The following CELF2 variants were observed in gnomAD, a reference collection of about 807,000 sequenced individuals.
CELF2 encodes CUG triplet repeat RNA-binding protein 2.
In CELF2, 8 loss-of-function variants were observed where a neutral mutation model predicts 62.6. The observed-to-expected ratio is 0.13, with a 90% CI of 0.07 to 0.23. CELF2 has a LOEUF of 0.23. Among genes scored for constraint, CELF2 ranks in the 10% least tolerant of loss-of-function variants. The probability of loss-of-function intolerance (pLI) is 1.00; values close to 1 mark genes in which losing one functional copy is unlikely to be tolerated. For synonymous variants in CELF2, 258 were observed against 250.0 expected, an observed-to-expected ratio of 1.03 and a Z score of -0.30; for missense variants, 333 against 671.0, an observed-to-expected ratio of 0.50 and a Z score of 5.56.
chr10:11,253,865 T>C (rs546464721), intron 4 of CELF2, among the ~76,000 whole-genome samples: 1 of 152,354 alleles, frequency 6.6e-6, no homozygotes, highest in Admixed American at 6.5e-5. Context: ...TCCCTGCCCT[T>C]ATTCAGTGTC....
intron 2 of CELF2, chr10:10,924,132 AT>A (rs1293483717): frequency 1.3e-5 from 2 of 151,956 alleles, no homozygotes; most frequent in Admixed American, 1.3e-4. Flanking sequence ...AATACAAAAA[AT>A]TAGCCGGGCG....
the CELF2 span, among the ~76,000 whole-genome samples, chr10:10,758,804 C>A: frequency 6.6e-6 from 1 of 152,206 alleles, no homozygotes; most frequent in Admixed American, 6.5e-5. Flanking sequence ...AATAAGTCAT[C>A]CAGGCCAAAA....
chr10:11,147,324 A>G (rs1463561014), intron 1 of CELF2, among the ~76,000 whole-genome samples: 7 of 152,210 alleles, frequency 4.6e-5, no homozygotes, highest in Admixed American at 2.0e-4. Context: ...TGGTGCCAGC[A>G]GTAGTGGTAC....
upstream of CELF2, among the ~76,000 whole-genome samples, chr10:10,794,108 A>G (rs78813830): frequency 6.6e-6 from 1 of 152,256 alleles, no homozygotes; most frequent in East Asian, 1.9e-4. Flanking sequence ...CTTGACTATC[A>G]TTGTTGCCAC....
In CELF2 at chr10:11,331,517, C is replaced by T. The variant is rs2096020350; in HGVS notation, c.*2464C>T. On this transcript the variant is annotated 3_prime_UTR_variant, in exon 13 of 13. Coordinates refer to ENST00000633077, the MANE Select transcript of CELF2 (RefSeq NM_001326342.2). ...TAGTGCCAAATTCCAAAGGTACTTCCTTCCTAGAGCTTCAGTGTGTTTCTT... is the reference window on the plus strand; with the variant it reads ...TAGTGCCAAATTCCAAAGGTACTTCTTTCCTAGAGCTTCAGTGTGTTTCTT... The T allele has an allele frequency of 6.6e-6, 1 of 150,664 alleles. No individual in the cohort carries two copies. The highest frequency in any genetic ancestry group is 2.4e-5 in the African/African-American group (1 of 40,910). 9.3% of individuals were successfully genotyped at this position (150,664 alleles called of 1,614,324 possible). A position where few individuals can be genotyped will look rare whatever the true frequency, so the allele number is the denominator to read the frequency against.
At chr10:10,915,166 G>A (rs2064210585) in intron 1 of CELF2, among the ~76,000 whole-genome samples, 1 of 150,910 alleles carries the variant, frequency 6.6e-6, no homozygotes, top group Middle Eastern at 3.2e-3. Context: ...TTAGTGTTCT[G>A]CTTTTCACTT....
intron 1 of CELF2, among the ~76,000 whole-genome samples, chr10:10,802,856 A>G (rs965474631): frequency 6.6e-6 from 1 of 152,114 alleles, no homozygotes; most frequent in African/African-American, 2.4e-5. Flanking sequence ...GCTCAGTCCA[A>G]TTGCATGCCT....
chr10:11,009,616 C>T (rs2056067840), intron 1 of CELF2, among the ~76,000 whole-genome samples: 1 of 152,044 alleles, frequency 6.6e-6, no homozygotes, highest in Non-Finnish European at 1.5e-5. Flanking sequence ...TGACACCAGC[C>T]CTGAGTGACA....
In CELF2 at chr10:11,010,139, T is replaced by C. The variant is rs189948786; in HGVS notation, c.53+4699T>C. The C allele has an allele frequency of 7.2e-5, 11 of 152,380 alleles. No individual in the cohort carries two copies. Among genetic ancestry groups the C allele is most frequent in the Admixed American group, 6.5e-4 (10 of 15,304 alleles). 9.4% of individuals were successfully genotyped at this position (152,380 alleles called of 1,614,324 possible). A position where few individuals can be genotyped will look rare whatever the true frequency, so the allele number is the denominator to read the frequency against. ...CTGGGCTGAGAGTCCAGCTCTCCTC[T>C]GGGCTCGATGAGAAGGCTGACCTGC... On this transcript the variant is annotated intron_variant, in intron 1 of 12. Coordinates refer to the CELF2 transcript ENST00000416382. The surrounding 1 kb of genome is among the most constrained non-coding windows in gnomAD (Gnocchi z 4.1).
At chr10:10,551,147 C>T in the CELF2 span, among the ~76,000 whole-genome samples, 6 of 152,186 alleles carry the variant, frequency 3.9e-5, no homozygotes, top group African/African-American at 1.2e-4. Flanking sequence ...ACCTTAGTTA[C>T]ATTAAATTTG....
rs527547757 is a variant in CELF2, at chr10:11,178,013, C to G, written c.271+12331C>G. On this transcript the variant is annotated intron_variant, in intron 2 of 12. Transcript: ENST00000633077. The surrounding 1 kb of genome is among the most constrained non-coding windows in gnomAD (Gnocchi z 4.3). ...TGACTGCCTGGTAGGATAAAGGAGA[C>G]GACATCTGAAAAGAGGGTTTCAGGT... 6.6e-6 allele frequency among the ~76,000 whole-genome samples: 1 copy of G among 152,110 alleles called. No individual in the cohort carries two copies. The highest frequency in any genetic ancestry group is 6.6e-5 in the Admixed American group (1 of 15,266).
intron 1 of CELF2, among the ~76,000 whole-genome samples, chr10:11,052,560 C>CGTATT (rs2064166855): frequency 6.6e-6 from 1 of 152,106 alleles, no homozygotes; most frequent in South Asian, 2.1e-4. Context: ...CAAGCAGTTC[C>CGTATT]GTATTGAAAA....
upstream of CELF2, chr10:10,798,275 A>T (rs1564635322): frequency 6.5e-6 from 1 of 152,814 alleles, no homozygotes; most frequent in Non-Finnish European, 1.5e-5. Context: ...AAAGGAGGAA[A>T]GAAACCTAAC....
chr10:10,551,535 TCA>T, the CELF2 span, among the ~76,000 whole-genome samples: 1 of 152,068 alleles, frequency 6.6e-6, no homozygotes. Context: ...AATGTCAATT[TCA>T]CAGTTTCATA....
At chr10:10,594,259 T>C in the CELF2 span, among the ~76,000 whole-genome samples, 1 of 152,200 alleles carries the variant, frequency 6.6e-6, no homozygotes, top group Non-Finnish European at 1.5e-5. Context: ...TGGTGGACTA[T>C]TTGCTTTCAA....
At chr10:10,813,940 G>C (rs2056185347) in intron 1 of CELF2, among the ~76,000 whole-genome samples, 1 of 152,118 alleles carries the variant, frequency 6.6e-6, no homozygotes, top group Admixed American at 6.5e-5. Context: ...GCTGTCCTGG[G>C]CTTTAGCTCC....
At chr10:11,127,767 G>C (rs1223548878) in intron 1 of CELF2, among the ~76,000 whole-genome samples, 1 of 151,992 alleles carries the variant, frequency 6.6e-6, no homozygotes, top group Non-Finnish European at 1.5e-5. Context: ...TTTATTTCTA[G>C]ATTCTGGATA....
chr10:11,272,161 C>T (rs1312182643), intron 7 of CELF2, among the ~76,000 whole-genome samples: 1 of 152,198 alleles, frequency 6.6e-6, no homozygotes, highest in African/African-American at 2.4e-5. Flanking sequence ...CTGTCTTCCT[C>T]TGTGCTGCTA....
At chr10:10,863,166 C>T (rs888164564) in intron 1 of CELF2, among the ~76,000 whole-genome samples, 1 of 152,210 alleles carries the variant, frequency 6.6e-6, no homozygotes, top group Admixed American at 6.5e-5. Context: ...AAGAACCCTA[C>T]TCCTCCTCCC....
Sources: allele counts gnomAD v4.1 joint callset (sites outside exome capture counted in the v4.1 genomes callset), GRCh38; gene constraint gnomAD v4.1.1; non-coding constraint Gnocchi (gnomAD v3.1); transcripts MANE v1.5; gene names NCBI Gene and HGNC (gene_info 2026-07-23, HGNC 2026-07-21).